Variants in ZNF804B observed in about 807,000 individuals in gnomAD.
The protein encoded by ZNF804B is zinc finger protein 804B, also known as zinc finger 804B.
A neutral mutation model predicts 101.4 loss-of-function variants in ZNF804B; 80 were observed. That is an observed-to-expected ratio of 0.79 (90% CI 0.66 to 0.95). ZNF804B has a LOEUF of 0.95. Ranked by LOEUF, ZNF804B falls within the 40% of genes least tolerant of loss-of-function variation. The pLI is 0.00. For missense variants in ZNF804B, 1,673 were observed against 1,561.9 expected, an observed-to-expected ratio of 1.07 and a Z score of -1.20; for synonymous variants, 622 against 558.8, an observed-to-expected ratio of 1.11 and a Z score of -1.59.
Position 89,208,702 on chromosome 7 carries a change from A to G in ZNF804B, c.109-9453A>G, listed in dbSNP as rs546889099. Among the ~76,000 whole-genome samples, 26 of 152,258 alleles carry G rather than the reference A, an allele frequency of 1.7e-4. No individual in the cohort carries two copies. The South Asian group carries it at 5.4e-3, about 32-fold the overall frequency. On this transcript the variant is annotated intron_variant, in intron 1 of 3. Coordinates refer to ENST00000333190, the MANE Select transcript of ZNF804B (RefSeq NM_181646.5). ...ATAACTGTGGTCCTAACAGAAATGC[A>G]TGTGTTCCTAAAAAATAATCCCTGT...
chr7:89,235,759 AT>A (rs557208653), intron 2 of ZNF804B, among the ~76,000 whole-genome samples: 199 of 147,478 alleles, frequency 1.3e-3, no homozygotes, highest in African/African-American at 3.8e-3. Context: ...TTAGGCCCCA[AT>A]TTTTTTTTTT....
chr7:89,029,778 A>G (rs1394705943), intron 1 of ZNF804B, among the ~76,000 whole-genome samples: 1 of 152,198 alleles, frequency 6.6e-6, no homozygotes, highest in Non-Finnish European at 1.5e-5. Context: ...TTTCATTTTA[A>G]TTAGATTATC....
chr7:89,219,812 A>G (rs1464766587), intron 2 of ZNF804B, among the ~76,000 whole-genome samples: 2 of 150,650 alleles, frequency 1.3e-5, no homozygotes, highest in Admixed American at 6.6e-5. Flanking sequence ...AGACATCACT[A>G]GCATTATATT....
At chr7:88,826,805 A>G (rs1343694116) in intron 1 of ZNF804B, among the ~76,000 whole-genome samples, 1 of 152,168 alleles carries the variant, frequency 6.6e-6, no homozygotes, top group African/African-American at 2.4e-5. Flanking sequence ...TGGAAAATTT[A>G]TGCAGTATTA....
intron 1 of ZNF804B, among the ~76,000 whole-genome samples, chr7:88,958,232 C>G (rs1217855677): frequency 6.6e-6 from 1 of 151,260 alleles, no homozygotes; most frequent in African/African-American, 2.4e-5. Flanking sequence ...GTTTTTATTT[C>G]TCTCATAGGA....
intron 1 of ZNF804B, among the ~76,000 whole-genome samples, chr7:88,904,067 G>A (rs1427185507): frequency 6.6e-6 from 1 of 152,050 alleles, no homozygotes; most frequent in East Asian, 1.9e-4. Context: ...TTTTCTTCTA[G>A]GATTCTTATA....
chr7:89,334,158 A>G lies in ZNF804B; in HGVS notation c.1176A>G (p.Pro392=). ...ECLDEFSSLE[P]SEQKSTVHLN... is the part of the protein sequence containing the mutation. The stretch of plus-strand genomic sequence containing the variant: ...TGGATGAGTTTTCATCACTGGAGCC[A>G]AGTGAACAAAAGAGTACAGTGCATC... The change falls in exon 4 of 4, where the codon CCA becomes CCG. Residue 392 remains proline (P), a synonymous_variant. Transcript: ENST00000333190. 2 of 1,613,614 alleles carry G rather than the reference A, an allele frequency of 1.2e-6. No individual in the cohort carries two copies. The highest frequency in any genetic ancestry group is 1.7e-6 in the Non-Finnish European group (2 of 1,179,814).
intron 1 of ZNF804B, among the ~76,000 whole-genome samples, chr7:88,784,472 C>G (rs1157668841): frequency 6.6e-6 from 1 of 152,124 alleles, no homozygotes; most frequent in African/African-American, 2.4e-5. Context: ...CCCTTTTACC[C>G]TGGGGCCACA....
intron 2 of ZNF804B, among the ~76,000 whole-genome samples, chr7:89,287,082 T>C (rs935981083): frequency 6.6e-6 from 1 of 152,192 alleles, no homozygotes; most frequent in Non-Finnish European, 1.5e-5. Context: ...TATTTTATTT[T>C]TCTTATAATT....
chr7:88,802,033 A>G (rs1213570572), intron 1 of ZNF804B, among the ~76,000 whole-genome samples: 1 of 152,038 alleles, frequency 6.6e-6, no homozygotes, highest in African/African-American at 2.4e-5. Flanking sequence ...AGTTTCCCTC[A>G]TGCTGCTCTG....
At chr7:88,813,519 A>C (rs2115740195) in intron 1 of ZNF804B, among the ~76,000 whole-genome samples, 1 of 151,976 alleles carries the variant, frequency 6.6e-6, no homozygotes, top group South Asian at 2.1e-4. Context: ...ATGTAGACTA[A>C]GGTTTCTTAC....
intron 1 of ZNF804B, among the ~76,000 whole-genome samples, chr7:88,846,102 G>A (rs985896727): frequency 6.6e-6 from 1 of 152,092 alleles, no homozygotes; most frequent in African/African-American, 2.4e-5. Context: ...GCATTAAGTT[G>A]AAAATTTAAT....
At chr7:88,818,235 G>A (rs1388688829) in intron 1 of ZNF804B, among the ~76,000 whole-genome samples, 1 of 152,052 alleles carries the variant, frequency 6.6e-6, no homozygotes, top group Non-Finnish European at 1.5e-5. Context: ...AAACTTATTA[G>A]TCACAAAAAT....
chr7:89,061,974 A>G (rs181449005), intron 1 of ZNF804B, among the ~76,000 whole-genome samples: 53 of 152,014 alleles, frequency 3.5e-4, no homozygotes, highest in African/African-American at 1.2e-3. Flanking sequence ...ATCACTCCCA[A>G]TTCCTAGGGG....
chr7:89,099,873 A>C (rs930332107), intron 1 of ZNF804B, among the ~76,000 whole-genome samples: 1 of 151,278 alleles, frequency 6.6e-6, no homozygotes, highest in African/African-American at 2.4e-5. Context: ...CTGAACTAAC[A>C]ACAAGAGTGA....
intron 1 of ZNF804B, among the ~76,000 whole-genome samples, chr7:88,882,576 T>C (rs977277910): frequency 1.1e-4 from 16 of 152,150 alleles, no homozygotes; most frequent in African/African-American, 3.9e-4. Flanking sequence ...TGCACTTGTA[T>C]GTTGGTTGCA....
At chr7:88,793,077 T>C (rs997944630) in intron 1 of ZNF804B, among the ~76,000 whole-genome samples, 4 of 152,202 alleles carry the variant, frequency 2.6e-5, no homozygotes, top group Admixed American at 6.5e-5. Flanking sequence ...AAAACTATAA[T>C]GATAAGTATT....
At chr7:88,796,687 C>T (rs756428807) in intron 1 of ZNF804B, among the ~76,000 whole-genome samples, 10 of 152,106 alleles carry the variant, frequency 6.6e-5, no homozygotes, top group African/African-American at 1.9e-4. Context: ...TTAGGCTCTG[C>T]GCTCATGATG....
chr7:88,791,777 C>T (rs991300097), intron 1 of ZNF804B, among the ~76,000 whole-genome samples: 6 of 152,088 alleles, frequency 3.9e-5, no homozygotes, highest in Non-Finnish European at 5.9e-5. Flanking sequence ...TTTCCCATTA[C>T]ATATGTATTA....
Sources: gnomAD v4.1 joint callset for allele counts (sites outside exome capture counted in the v4.1 genomes callset) on GRCh38, gnomAD v4.1.1 for gene constraint, MANE v1.5 for transcripts, NCBI Gene and HGNC (gene_info 2026-07-23, HGNC 2026-07-21) for gene names.